The following PDHX variants were observed in gnomAD, a reference collection of about 807,000 sequenced individuals.
PDHX encodes the protein pyruvate dehydrogenase protein X component, mitochondrial.
In PDHX, 33 loss-of-function variants were observed where a neutral mutation model predicts 55.3. The observed-to-expected ratio is 0.60, with a 90% CI of 0.45 to 0.80. PDHX has a LOEUF of 0.80. Ranked by LOEUF, PDHX falls within the 30% of genes least tolerant of loss-of-function variation. The pLI, the probability that PDHX is intolerant of heterozygous loss-of-function variation, is 0.00. For synonymous variants in PDHX, 226 were observed against 219.4 expected (o/e 1.03, Z -0.27); for missense variants, 622 against 619.9 (o/e 1.00, Z -0.04).
Position 34,970,269 on chromosome 11 carries a change from G to A in PDHX, c.947G>A (p.Arg316Lys), listed in dbSNP as rs1855230310. The A allele has an allele frequency of 6.2e-7, 1 of 1,613,378 alleles. No homozygotes were observed. Among genetic ancestry groups the A allele is most frequent in the African/African-American group, 1.3e-5 (1 of 74,836 alleles). ...DCDLGAVLKV[R>K]QDLVKDDIKV... The stretch of plus-strand genomic sequence containing the variant: ...GACCTTGGAGCTGTTTTAAAAGTTA[G>A]GCAAGATCTGGTCAAAGGTTAGTAA... The change falls in exon 7 of 11, where the codon AGG becomes AAG. Residue 316 changes from arginine (R) to lysine (K), a missense_variant. Arg to Lys is a conservative substitution (Grantham distance 26). Coordinates refer to ENST00000227868, the MANE Select transcript of PDHX (RefSeq NM_003477.3).
chr11:34,992,211 A>G, intron 9 of PDHX, 104 bp from the exon 10 acceptor site: 1 of 686,218 alleles, frequency 1.5e-6, no homozygotes, highest in Non-Finnish European at 2.7e-6. Flanking sequence ...AATCAAATCA[A>G]GGCATATCAG....
chr11:34,951,049 C>CTTTTTTT (rs1179399887), intron 3 of PDHX, among the ~76,000 whole-genome samples: 9 of 88,596 alleles, frequency 1.0e-4, no homozygotes, highest in South Asian at 3.7e-4. Context: ...TGTTTCCTGA[C>CTTTTTTT]TTTTTTTTTT....
rs12270152 is a variant in PDHX at position 34,958,163 on chromosome 11, A to G, written c.542+580A>G. 9.9e-3 allele frequency among the ~76,000 whole-genome samples: 1,513 copies of G among 152,326 alleles called. 23 individuals carry two copies. The highest frequency in any genetic ancestry group is 0.035 in the African/African-American group (1,436 of 41,552). On this transcript the variant is annotated intron_variant, in intron 4 of 10. Transcript: ENST00000227868. The stretch of plus-strand genomic sequence containing the variant: ...GTAAATTCTAACATTTCATTTATTT[A>G]GTATTCTATATAATTATACAACATT...
At chr11:34,916,083 T>C, upstream of PDHX, 2 of 1,088,080 alleles carry the variant, frequency 1.8e-6, no homozygotes, top group Non-Finnish European at 2.6e-6. Flanking sequence ...AAGGTCGCGG[T>C]GCGCCGGGGT....
chr11:34,960,827 A>G (rs1855009220), intron 5 of PDHX, among the ~76,000 whole-genome samples: 1 of 152,218 alleles, frequency 6.6e-6, no homozygotes, highest in African/African-American at 2.4e-5. Flanking sequence ...ATGTGAAATC[A>G]TGCAATAACA....
chr11:34,963,898 C>T (rs1447695621), intron 5 of PDHX, among the ~76,000 whole-genome samples: 1 of 152,156 alleles, frequency 6.6e-6, no homozygotes, highest in Non-Finnish European at 1.5e-5. Context: ...ACATCTGTGT[C>T]CTAAATCATA....
At position 34,970,396 on chromosome 11, in the gene PDHX, A is replaced by G. The variant is rs994567751; in HGVS notation, c.964+110A>G. On this transcript the variant is annotated intron_variant, in intron 7 of 10. Coordinates refer to ENST00000227868, the MANE Select transcript of PDHX (RefSeq NM_003477.3). Reference sequence around the variant, plus strand: ...CTACATTGTGTAGCTTTTAATTTCAATTTCATAATGTACTTGCACTCTACT... The same window carrying G: ...CTACATTGTGTAGCTTTTAATTTCAGTTTCATAATGTACTTGCACTCTACT... The G allele has an allele frequency of 4.4e-6, 4 of 904,432 alleles. No homozygotes were observed. The African/African-American group carries it at 5.0e-5, about 11-fold the overall frequency. 56.0% of individuals were successfully genotyped at this position (904,432 alleles called of 1,614,324 possible).
chr11:34,935,065 G>A (rs1456861546), intron 2 of PDHX, among the ~76,000 whole-genome samples: 1 of 152,094 alleles, frequency 6.6e-6, no homozygotes, highest in Non-Finnish European at 1.5e-5. Flanking sequence ...ACTGAAACAA[G>A]ATCGGTCATG....
chr11:34,941,738 G>A (rs117767520), intron 2 of PDHX: 70 of 154,384 alleles, frequency 4.5e-4, no homozygotes, highest in Non-Finnish European at 9.5e-4. Context: ...CCAAGGCTAT[G>A]CTTAATATCT....
At position 34,959,503 on chromosome 11, in the gene PDHX, TA is replaced by T. The variant is rs376766398; in HGVS notation, c.543-913del. Among the ~76,000 whole-genome samples the T allele has an allele frequency of 4.6e-3, 703 of 151,918 alleles. 7 individuals are homozygous for T. The highest frequency in any genetic ancestry group is 0.016 in the African/African-American group (654 of 41,406). ...CCCTTGTTGTTGCCTAGTGGAAGTG[TA>T]AAATGCTGCAGCTACTGTGGAAAAC... On this transcript the variant is annotated intron_variant, in intron 4 of 10. Coordinates refer to ENST00000227868, the MANE Select transcript of PDHX (RefSeq NM_003477.3).
intron 3 of PDHX, among the ~76,000 whole-genome samples, chr11:34,948,382 G>T (rs998973678): frequency 4.6e-5 from 7 of 152,236 alleles, no homozygotes; most frequent in East Asian, 1.9e-4. Flanking sequence ...TGAGCTGCAT[G>T]TCTATTAGCA....
At position 34,927,723 on chromosome 11, in the gene PDHX, C is replaced by G. The variant is rs2986411; in HGVS notation, c.161-3681C>G. Reference sequence around the variant, plus strand: ...TGAAATGATTTTTCTAGCATGAAAGCCTGAGGATAGATTAGTTAGAATAAC... The same window carrying G: ...TGAAATGATTTTTCTAGCATGAAAGGCTGAGGATAGATTAGTTAGAATAAC... On this transcript the variant is annotated intron_variant, in intron 1 of 10. Coordinates refer to ENST00000227868, the MANE Select transcript of PDHX (RefSeq NM_003477.3). Among the ~76,000 whole-genome samples the G allele has an allele frequency of 4.8e-3, 728 of 152,124 alleles. 4 individuals carry two copies. Among genetic ancestry groups the G allele is most frequent in the Non-Finnish European group, 8.5e-3 (579 of 67,918 alleles).
At chr11:34,939,466 ATGGTGTG>A (rs1263317175) in intron 2 of PDHX, among the ~76,000 whole-genome samples, 3 of 93,526 alleles carry the variant, frequency 3.2e-5, no homozygotes, top group Admixed American at 1.4e-4. Context: ...TCTTTTACTA[ATGGTGTG>A]TGTGTGTGTG....
chr11:34,925,179 CACTTA>C (rs1853989193), intron 1 of PDHX, among the ~76,000 whole-genome samples: 1 of 152,216 alleles, frequency 6.6e-6, no homozygotes. Flanking sequence ...GATACTTTCT[CACTTA>C]ACTTATTTTT....
At chr11:34,990,101 G>A (rs2134003990) in intron 9 of PDHX, among the ~76,000 whole-genome samples, 1 of 152,128 alleles carries the variant, frequency 6.6e-6, no homozygotes, top group African/African-American at 2.4e-5. Context: ...AGTTCAAGTT[G>A]GTATTCCTTG....
chr11:34,966,525 A>G lies in PDHX; in HGVS notation c.642-115A>G, dbSNP rs553690662. ...CTCAAATTACTGGTTTTTAATTATA[A>G]CCTTGACATCTGTATATTTCTGTAT... On this transcript the variant is annotated intron_variant, in intron 5 of 10. Transcript: ENST00000227868. 25 of 973,204 alleles carry G rather than the reference A, an allele frequency of 2.6e-5. No individual in the cohort carries two copies. The South Asian group carries it at 3.0e-4, about 12-fold the overall frequency. The allele number at this position is 973,204 out of a possible 1,614,324, so 60.3% of individuals were successfully genotyped here. A position where few individuals can be genotyped will look rare whatever the true frequency, so the allele number is the denominator to read the frequency against.
intron 1 of PDHX, among the ~76,000 whole-genome samples, chr11:34,920,420 CTAGTAATCTAGGAAGT>C (rs1463980467): frequency 2.0e-5 from 3 of 152,006 alleles, no homozygotes; most frequent in Non-Finnish European, 4.4e-5. Flanking sequence ...TCTAAGGAAG[CTAGTAATCTAGGAAGT>C]TATAAAAGAA....
intron 8 of PDHX, among the ~76,000 whole-genome samples, chr11:34,979,900 C>T (rs1181167480): frequency 6.6e-6 from 1 of 151,528 alleles, no homozygotes; most frequent in Non-Finnish European, 1.5e-5. Context: ...CTTTTCTTTC[C>T]TCTGTACACA....
chr11:34,916,625 G>C lies in PDHX; in HGVS notation c.-31G>C. 6.2e-7 allele frequency: 1 copy of C among 1,602,476 alleles called. No homozygotes were observed. The highest frequency in any genetic ancestry group is 8.5e-7 in the Non-Finnish European group (1 of 1,179,668). ...GCCTTGATGCTGGACATCAGGCTGT[G>C]CTGCGGGCAGCCAGTGAGAAGGCCG... On this transcript the variant is annotated 5_prime_UTR_variant, in exon 1 of 11. Transcript: ENST00000227868.
Sources: gnomAD v4.1 joint callset for allele counts (sites outside exome capture counted in the v4.1 genomes callset) on GRCh38, gnomAD v4.1.1 for gene constraint, MANE v1.5 for transcripts, NCBI Gene and HGNC (gene_info 2026-07-23, HGNC 2026-07-21) for gene names.